The following GYPB variants were observed in gnomAD, a reference collection of about 807,000 sequenced individuals.
The protein encoded by GYPB is glycophorin B (MNS blood group).
GYPB carries 13 observed loss-of-function variants against 15.3 expected under a neutral mutation model. The ratio of observed to expected loss-of-function variants is 0.85; its 90% confidence interval spans 0.55 to 1.35. GYPB has a LOEUF of 1.35. Ranked by LOEUF, GYPB falls within the 40% of genes most tolerant of loss-of-function variation. The pLI, the probability that GYPB is intolerant of heterozygous loss-of-function variation, is 0.00. For missense variants in GYPB, 131 were observed against 108.3 expected (o/e 1.21, Z -0.93); for synonymous variants, 38 against 36.9 (o/e 1.03, Z -0.11).
At position 143,999,423 on chromosome 4, in the gene GYPB, A is replaced by G. The variant is rs755129621; in HGVS notation, c.163T>C (p.Phe55Leu). The change falls in exon 3 of 5, where the codon TTC becomes CTC. Residue 55 changes from phenylalanine (F) to leucine (L), a missense_variant. Physicochemically the swap from Phe to Leu is conservative, Grantham distance 22. Coordinates refer to ENST00000502664, the MANE Select transcript of GYPB (RefSeq NM_002100.6). Reference protein sequence around the residue: ...NGETGQLVHRFTVPAPVVIIL... With the variant: ...NGETGQLVHRLTVPAPVVIIL... ...AATATTAACATACCTGGTACAGTGA[A>G]ACGATGGACAAGTTGTCCCGTTTCT... 66 of 1,539,924 alleles carry G rather than the reference A, an allele frequency of 4.3e-5. No homozygotes were observed. The highest frequency in any genetic ancestry group is 5.6e-5 in the Non-Finnish European group (63 of 1,117,424).
chr4:144,005,415 C>T (rs1340899546), intron 1 of GYPB, among the ~76,000 whole-genome samples: 1 of 151,970 alleles, frequency 6.6e-6, no homozygotes, highest in Non-Finnish European at 1.5e-5. Flanking sequence ...AACTAAATTC[C>T]TGAGCTCCCT....
chr4:144,010,547 G>A (rs184665986), intron 1 of GYPB, among the ~76,000 whole-genome samples: 16 of 151,456 alleles, frequency 1.1e-4, no homozygotes. Flanking sequence ...ATTATTTTGT[G>A]GAATTTTATT....
chr4:144,001,313 T>G, intron 1 of GYPB, 30 bp from the exon 2 acceptor site: 1 of 1,612,578 alleles, frequency 6.2e-7, no homozygotes, highest in Non-Finnish European at 8.5e-7. Flanking sequence ...AGAAAGGGAT[T>G]AAGAACGAGG....
intron 1 of GYPB, among the ~76,000 whole-genome samples, chr4:144,006,708 T>G (rs1382655773): frequency 6.6e-6 from 1 of 151,904 alleles, no homozygotes; most frequent in Non-Finnish European, 1.5e-5. Flanking sequence ...GGACACACCC[T>G]TCATATGAAA....
intron 1 of GYPB, among the ~76,000 whole-genome samples, chr4:144,014,597 A>C (rs978621796): frequency 6.6e-6 from 1 of 151,372 alleles, no homozygotes; most frequent in Non-Finnish European, 1.5e-5. Flanking sequence ...GTAGAGGTAG[A>C]AAACAAATTA....
intron 1 of GYPB, among the ~76,000 whole-genome samples, chr4:144,004,698 C>A (rs1727804576): frequency 6.6e-6 from 1 of 151,636 alleles, no homozygotes. Context: ...AACCAAATTT[C>A]CACAATATGA....
intron 1 of GYPB, among the ~76,000 whole-genome samples, chr4:144,008,159 A>C (rs1402241347): frequency 6.6e-6 from 1 of 151,606 alleles, no homozygotes; most frequent in East Asian, 1.9e-4. Context: ...GACTTGCTTA[A>C]GTTCACACAG....
rs1019461221 is a variant in GYPB, at chr4:143,996,240, A to G, written c.*59T>C. Reference sequence around the variant, plus strand: ...GCAGGTGCAGCCAGTTTGCATAAACAAGAGAACAGCAGGTGCAGCCGGTTC... The same window carrying G: ...GCAGGTGCAGCCAGTTTGCATAAACGAGAGAACAGCAGGTGCAGCCGGTTC... On this transcript the variant is annotated 3_prime_UTR_variant, in exon 5 of 5. Coordinates refer to ENST00000502664, the MANE Select transcript of GYPB (RefSeq NM_002100.6). 8 of 1,550,176 alleles carry G rather than the reference A, an allele frequency of 5.2e-6. 1 individual carries two copies. The African/African-American group carries it at 1.1e-4, about 22-fold the overall frequency.
Position 143,996,282 on chromosome 4 carries a change from G to C in GYPB, c.*17C>G, listed in dbSNP as rs1451394130. On this transcript the variant is annotated 3_prime_UTR_variant, in exon 5 of 5. Coordinates refer to ENST00000502664, the MANE Select transcript of GYPB (RefSeq NM_002100.6). The stretch of plus-strand genomic sequence containing the variant: ...AGCCGGTTCTAGGCAAGATCAGGCA[G>C]CATGCAGGCCACATCCTCATGCCTG... The C allele has an allele frequency of 4.5e-6, 7 of 1,550,876 alleles. No individual in the cohort carries two copies. The South Asian group carries it at 4.8e-5, about 11-fold the overall frequency.
At chr4:143,999,197 C>T (rs1319030896) in intron 3 of GYPB, 10 of 439,368 alleles carry the variant, frequency 2.3e-5, no homozygotes, top group East Asian at 4.9e-5. Context: ...GCATGAGCCA[C>T]GGCCCCTGGC....
chr4:144,005,090 C>G (rs1298113205), intron 1 of GYPB, among the ~76,000 whole-genome samples: 1 of 151,954 alleles, frequency 6.6e-6, no homozygotes, highest in Non-Finnish European at 1.5e-5. Context: ...TGTGTCATTC[C>G]TAGATTAAAG....
intron 1 of GYPB, chr4:144,016,915 A>G (rs1728530477): frequency 2.9e-6 from 1 of 345,298 alleles, no homozygotes; most frequent in Non-Finnish European, 5.8e-6. Context: ...AATGTCATCT[A>G]CTCAGAAAAT....
In GYPB at chr4:143,996,777, A is replaced by G. The variant is rs545122560; in HGVS notation, c.271-473T>C. On this transcript the variant is annotated intron_variant, in intron 4 of 4. Coordinates refer to ENST00000502664, the MANE Select transcript of GYPB (RefSeq NM_002100.6). ...ACAGAGGGAAACTCTGTCTCAAAAA[A>G]AAATTTAAAAAACTTTAATGATTCA... 1.2e-3 allele frequency among the ~76,000 whole-genome samples: 90 copies of G among 74,978 alleles called. 10 individuals are homozygous for G. The highest frequency in any genetic ancestry group is 4.5e-3 in the African/African-American group (86 of 18,924). 49.2% of individuals were successfully genotyped at this position (74,978 alleles called of 152,430 possible).
At chr4:143,997,667 A>C (rs1388898776) in intron 3 of GYPB, 33 bp from the exon 4 acceptor site, 4 of 1,065,218 alleles carry the variant, frequency 3.8e-6, no homozygotes, top group Non-Finnish European at 5.9e-6. Context: ...GAAAGTCTGA[A>C]ATAAATGACC....
chr4:144,017,938 G>A lies in GYPB; in HGVS notation c.37+1313C>T, dbSNP rs148392597. On this transcript the variant is annotated intron_variant, in intron 1 of 4. Transcript: ENST00000502664. ...TATGTTTGTTTTCTGTTTTCTTTCT[G>A]TAATTTTCTTGTCTCTCTGACTCTC... is the stretch of plus-strand genomic sequence containing the variant. 3.4e-3 allele frequency among the ~76,000 whole-genome samples: 521 copies of A among 151,114 alleles called. 29 individuals are homozygous for A. Among genetic ancestry groups the A allele is most frequent in the African/African-American group, 0.012 (487 of 40,640 alleles).
chr4:144,010,434 A>T (rs569040206), intron 1 of GYPB, among the ~76,000 whole-genome samples: 3 of 151,626 alleles, frequency 2.0e-5, no homozygotes, highest in East Asian at 1.9e-4. Context: ...GTGCCGTTGC[A>T]GTCCAGCTTA....
At chr4:144,006,211 T>C (rs1727907488) in intron 1 of GYPB, among the ~76,000 whole-genome samples, 1 of 152,074 alleles carries the variant, frequency 6.6e-6, no homozygotes, top group South Asian at 2.1e-4. Context: ...GTGGAATGAA[T>C]TGGTATACTT....
rs1132783 is a variant in GYPB, at chr4:143,997,559, C to G, written c.251G>C (p.Ser84Thr). Residue 84 changes from serine to threonine, a missense_variant, in exon 4 of 5, where the codon AGT becomes ACT. Ser to Thr is a moderately conservative substitution (Grantham distance 58). Transcript: ENST00000502664. ...IIGTILLISY[S>T]IRRLIKA ...TCTCACCTTTATCAGTCGGCGAATA[C>G]TGTAAGAAATTAAGAGGATCGTTCC... 0.22 allele frequency: 339,887 copies of G among 1,577,614 alleles called. 39,768 individuals carry two copies. The highest frequency in any genetic ancestry group is 0.32 in the South Asian group (29,005 of 90,212).
At position 144,019,310 on chromosome 4, in the gene GYPB, T is replaced by C. The variant is rs1272138026; in HGVS notation, c.-23A>G. The C allele has an allele frequency of 3.1e-6, 5 of 1,611,766 alleles. No homozygotes were observed. Among genetic ancestry groups the C allele is most frequent in the Non-Finnish European group, 2.5e-6 (3 of 1,179,406 alleles). On this transcript the variant is annotated 5_prime_UTR_variant, in exon 1 of 5. Coordinates refer to ENST00000502664, the MANE Select transcript of GYPB (RefSeq NM_002100.6). ...CATCCTGAGATCATGAGCTGGTTCC[T>C]GAAGTTAGTGCAAAAAAACTACCAA...
Sources: gnomAD v4.1 joint callset for allele counts (sites outside exome capture counted in the v4.1 genomes callset) on GRCh38, gnomAD v4.1.1 for gene constraint, MANE v1.5 for transcripts, NCBI Gene and HGNC (gene_info 2026-07-23, HGNC 2026-07-21) for gene names.